Variants in MGAT5 observed in about 807,000 individuals in gnomAD.
MGAT5 encodes the protein alpha-1,6-mannosylglycoprotein 6-beta-N-acetylglucosaminyltransferase.
MGAT5 carries 30 observed loss-of-function variants against 94.3 expected under a neutral mutation model. That is an observed-to-expected ratio of 0.32 (90% CI 0.24 to 0.43). The LOEUF (loss-of-function observed/expected upper bound fraction) is 0.43, where lower values mean the gene tolerates loss of function less well. Ranked by LOEUF, MGAT5 falls within the 20% of genes least tolerant of loss-of-function variation. The pLI is 1.00. For missense variants in MGAT5, 691 were observed against 905.5 expected (o/e 0.76, Z 3.04); for synonymous variants, 310 against 322.9 (o/e 0.96, Z 0.43).
chr2:134,227,757 T>A (rs1045558920), intron 1 of MGAT5, among the ~76,000 whole-genome samples: 2 of 152,014 alleles, frequency 1.3e-5, no homozygotes, highest in Non-Finnish European at 2.9e-5. Context: ...CTCAAAAGAG[T>A]TCTGGTTCGT....
chr2:134,149,054 C>T (rs771791558), intron 1 of MGAT5, among the ~76,000 whole-genome samples: 1 of 152,082 alleles, frequency 6.6e-6, no homozygotes. Flanking sequence ...CGTGAGCCAC[C>T]GTGCCCAGCC....
chr2:134,296,894 G>T (rs1685706814), intron 2 of MGAT5, among the ~76,000 whole-genome samples: 4 of 152,110 alleles, frequency 2.6e-5, no homozygotes, highest in Admixed American at 2.6e-4. Flanking sequence ...GACACAATCT[G>T]TACTGACTCA....
intron 2 of MGAT5, among the ~76,000 whole-genome samples, chr2:134,304,947 A>G (rs1028177514): frequency 1.3e-5 from 2 of 152,188 alleles, no homozygotes; most frequent in Non-Finnish European, 1.5e-5. Context: ...TTTTATGCCA[A>G]TGGCTTGTAG....
intron 10 of MGAT5, among the ~76,000 whole-genome samples, chr2:134,370,296 G>A (rs548476715): frequency 1.3e-5 from 2 of 152,196 alleles, no homozygotes; most frequent in African/African-American, 2.4e-5. Flanking sequence ...TTGTCATTCT[G>A]TTTTGTTCTT....
chr2:134,151,909 C>CCGCTTA (rs1687211589), intron 1 of MGAT5, among the ~76,000 whole-genome samples: 1 of 143,260 alleles, frequency 7.0e-6, no homozygotes, highest in Admixed American at 6.8e-5. Context: ...GCCATGGGAC[C>CCGCTTA]TCACTCACGC....
intron 1 of MGAT5, among the ~76,000 whole-genome samples, chr2:134,195,608 T>A (rs1679457445): frequency 6.6e-6 from 1 of 152,204 alleles, no homozygotes; most frequent in African/African-American, 2.4e-5. Context: ...ACTAGGCTAC[T>A]TGTGGATGAG....
chr2:134,436,440 T>A (rs1685165932), intron 14 of MGAT5, among the ~76,000 whole-genome samples: 1 of 152,104 alleles, frequency 6.6e-6, no homozygotes, highest in African/African-American at 2.4e-5. Flanking sequence ...CCAGAAAGGG[T>A]TCCTGGAGCT....
intron 1 of MGAT5, among the ~76,000 whole-genome samples, chr2:134,163,586 G>T (rs1021515009): frequency 6.6e-6 from 1 of 152,232 alleles, no homozygotes. Flanking sequence ...TGAGTTGGAT[G>T]CTCAGAGGAG....
chr2:134,213,508 G>A (rs965460609), intron 1 of MGAT5, among the ~76,000 whole-genome samples: 1 of 152,058 alleles, frequency 6.6e-6, no homozygotes, highest in Admixed American at 6.5e-5. Flanking sequence ...TGACACTACC[G>A]GGAGTTATTG....
Position 134,256,287 on chromosome 2 carries a change from A to G in MGAT5, c.241+1643A>G, listed in dbSNP as rs147058109. On this transcript the variant is annotated intron_variant, in intron 1 of 15. Coordinates refer to ENST00000281923, the MANE Select transcript of MGAT5 (RefSeq NM_002410.5). The stretch of plus-strand genomic sequence containing the variant: ...TAGTTTAGATAAACCAACAGAAAAT[A>G]AAGCTGATTGTCACCATTAGTGTTA... Among the ~76,000 whole-genome samples, 5 of 152,366 alleles carry G rather than the reference A, an allele frequency of 3.3e-5. No individual in the cohort carries two copies. In the East Asian group the frequency reaches 9.6e-4, roughly 29 times the overall value.
At chr2:134,254,028 C>T (rs538776020), upstream of MGAT5, among the ~76,000 whole-genome samples, 71 of 152,284 alleles carry the variant, frequency 4.7e-4, no homozygotes, top group African/African-American at 1.7e-3. Context: ...CTGGAACAGC[C>T]CCACTACACC....
At chr2:134,356,018 G>A (rs1679710553) in intron 9 of MGAT5, among the ~76,000 whole-genome samples, 1 of 152,208 alleles carries the variant, frequency 6.6e-6, no homozygotes, top group Non-Finnish European at 1.5e-5. Context: ...CATTGCCTGA[G>A]CAAACTATGT....
At chr2:134,221,361 A>G (rs1680760051) in intron 1 of MGAT5, among the ~76,000 whole-genome samples, 1 of 152,234 alleles carries the variant, frequency 6.6e-6, no homozygotes, top group African/African-American at 2.4e-5. Flanking sequence ...GGTTGAGTTT[A>G]TCTAAAGACC....
At chr2:134,226,029 G>A (rs796724713) in intron 1 of MGAT5, among the ~76,000 whole-genome samples, 3 of 152,342 alleles carry the variant, frequency 2.0e-5, no homozygotes, top group African/African-American at 7.2e-5. Context: ...GTTACCACCT[G>A]CTGGTGTGTA....
intron 8 of MGAT5, 83 bp from the exon 9 acceptor site, chr2:134,349,722 T>G (rs1251182723): frequency 1.9e-5 from 28 of 1,482,236 alleles, no homozygotes; most frequent in Non-Finnish European, 2.5e-5. Flanking sequence ...TTTTTAGTAG[T>G]CTTGAAGGAA....
intron 1 of MGAT5, among the ~76,000 whole-genome samples, chr2:134,129,350 G>A (rs758075419): frequency 2.0e-5 from 3 of 152,168 alleles, no homozygotes; most frequent in Non-Finnish European, 4.4e-5. Flanking sequence ...ATTAGACCAA[G>A]CAGGTTAATG....
At chr2:134,298,970 T>C (rs1329592017) in intron 2 of MGAT5, among the ~76,000 whole-genome samples, 2 of 152,230 alleles carry the variant, frequency 1.3e-5, no homozygotes, top group South Asian at 2.1e-4. Context: ...ATTCTTCTGC[T>C]TTCTTGTGAA....
intron 1 of MGAT5, among the ~76,000 whole-genome samples, chr2:134,165,706 C>T (rs927541958): frequency 6.6e-6 from 1 of 151,818 alleles, no homozygotes; most frequent in Admixed American, 6.6e-5. Flanking sequence ...ACCCGGGAGG[C>T]GGAGCTTGCA....
At chr2:134,223,333 T>A (rs941007711) in intron 1 of MGAT5, among the ~76,000 whole-genome samples, 2 of 152,200 alleles carry the variant, frequency 1.3e-5, no homozygotes, top group African/African-American at 4.8e-5. Context: ...GTAGCTCCTA[T>A]AGTTTTAGCA....
Sources: gnomAD v4.1 joint callset for allele counts (sites outside exome capture counted in the v4.1 genomes callset) on GRCh38, gnomAD v4.1.1 for gene constraint, MANE v1.5 for transcripts, NCBI Gene and HGNC (gene_info 2026-07-23, HGNC 2026-07-21) for gene names.